THSD7A: variants seen among roughly 807,000 people sequenced by gnomAD.
The protein encoded by THSD7A is thrombospondin type 1 domain containing 7A.
A neutral mutation model predicts 231.3 loss-of-function variants in THSD7A; 96 were observed. The ratio of observed to expected loss-of-function variants is 0.41; its 90% CI spans 0.35 to 0.49. The LOEUF (loss-of-function observed/expected upper bound fraction) is 0.49, where lower values mean the gene tolerates loss of function less well. Ranked by LOEUF, THSD7A falls within the 20% of genes least tolerant of loss-of-function variation. The pLI, the probability that THSD7A is intolerant of heterozygous loss-of-function variation, is 0.05. For missense variants in THSD7A, 2,290 were observed against 2,070.2 expected, an observed-to-expected ratio of 1.11 and a Z score of -2.06; for synonymous variants, 940 against 743.3, an observed-to-expected ratio of 1.26 and a Z score of -4.30.
chr7:11,711,676 T>C (rs1012356697), intron 1 of THSD7A, among the ~76,000 whole-genome samples: 9 of 151,130 alleles, frequency 6.0e-5, no homozygotes, highest in African/African-American at 1.2e-4. Flanking sequence ...AAATTTCAAC[T>C]GGTTACTTCC....
At chr7:11,702,243 G>A (rs890878196) in intron 1 of THSD7A, among the ~76,000 whole-genome samples, 1 of 151,166 alleles carries the variant, frequency 6.6e-6, no homozygotes, top group Non-Finnish European at 1.5e-5. Context: ...TCTGCTCAGG[G>A]TGTCACAGGG....
Position 11,634,389 on chromosome 7 carries a change from G to A in THSD7A, c.1022+1741C>T, listed in dbSNP as rs1250598249. On this transcript the variant is annotated intron_variant, in intron 2 of 27. Transcript: ENST00000423059. The surrounding 1 kb of genome is among the most constrained non-coding windows in gnomAD (Gnocchi z 4.1). Reference sequence around the variant, plus strand: ...TTGAGTAGTCAACGTTAAATTAAATGTCTACAGCATGCTAACCCAGTGATA... The same window carrying A: ...TTGAGTAGTCAACGTTAAATTAAATATCTACAGCATGCTAACCCAGTGATA... Among the ~76,000 whole-genome samples, 4 of 152,134 alleles carry A rather than the reference G, an allele frequency of 2.6e-5. No homozygotes were observed. The highest frequency in any genetic ancestry group is 9.7e-5 in the African/African-American group (4 of 41,424).
intron 1 of THSD7A, among the ~76,000 whole-genome samples, chr7:11,640,186 C>G (rs1433082979): frequency 6.6e-6 from 1 of 152,150 alleles, no homozygotes; most frequent in Admixed American, 6.6e-5. Flanking sequence ...TCTATAGCCC[C>G]TTGAGGACAG....
chr7:11,770,154 A>C (rs765315322), intron 1 of THSD7A, among the ~76,000 whole-genome samples: 2 of 152,184 alleles, frequency 1.3e-5, no homozygotes, highest in East Asian at 3.9e-4. Context: ...TTTTAATAAA[A>C]CTATTTTGTT....
chr7:11,739,544 C>T (rs1782033741), intron 1 of THSD7A, among the ~76,000 whole-genome samples: 3 of 151,844 alleles, frequency 2.0e-5, no homozygotes, highest in Admixed American at 2.0e-4. Flanking sequence ...CCATTACATT[C>T]TAAAACATCA....
intron 6 of THSD7A, among the ~76,000 whole-genome samples, chr7:11,498,979 A>G (rs1389195898): frequency 1.3e-5 from 2 of 152,116 alleles, no homozygotes; most frequent in Non-Finnish European, 2.9e-5. Flanking sequence ...GCCACCTTGC[A>G]CTGGAGTTAT....
At chr7:11,616,759 T>C (rs1046323558) in intron 2 of THSD7A, among the ~76,000 whole-genome samples, 6 of 152,130 alleles carry the variant, frequency 3.9e-5, no homozygotes, top group African/African-American at 1.4e-4. Flanking sequence ...GTTGCTTTAA[T>C]TGTTTTTCTT....
At chr7:11,791,075 TAAC>T (rs949104304) in intron 1 of THSD7A, among the ~76,000 whole-genome samples, 3 of 151,946 alleles carry the variant, frequency 2.0e-5, no homozygotes, top group Admixed American at 6.6e-5. Context: ...CACTGTAACT[TAAC>T]AAGAGCAAGT....
At chr7:11,712,985 A>G (rs956895033) in intron 1 of THSD7A, among the ~76,000 whole-genome samples, 1 of 151,094 alleles carries the variant, frequency 6.6e-6, no homozygotes. Flanking sequence ...TTTTACTTCC[A>G]TGGTACCACA....
At chr7:11,763,927 T>C (rs1420991194) in intron 1 of THSD7A, among the ~76,000 whole-genome samples, 2 of 152,194 alleles carry the variant, frequency 1.3e-5, no homozygotes, top group Admixed American at 1.3e-4. Flanking sequence ...TAGTATTAAA[T>C]GGGGATAAGT....
rs372677356 is a variant in THSD7A at position 11,426,678 on chromosome 7, T to C, written c.3244-7A>G. 1.8e-5 allele frequency: 28 copies of C among 1,561,090 alleles called. No individual in the cohort carries two copies. The highest frequency in any genetic ancestry group is 5.5e-5 in the Admixed American group (3 of 54,352). On this transcript the variant is annotated splice_polypyrimidine_tract_variant and splice_region_variant and intron_variant, in intron 14 of 27. Coordinates refer to ENST00000423059, the MANE Select transcript of THSD7A (RefSeq NM_015204.3). The stretch of plus-strand genomic sequence containing the variant: ...TAAGAGTTCTTACCTGTGCCTGGAG[T>C]GGTGTTCAACAGGAATGATGAAAAG...
intron 4 of THSD7A, among the ~76,000 whole-genome samples, chr7:11,581,166 T>A (rs1350492268): frequency 1.3e-5 from 2 of 152,074 alleles, no homozygotes; most frequent in South Asian, 4.1e-4. Flanking sequence ...TAATATAATG[T>A]CTTAATAAAT....
intron 22 of THSD7A, among the ~76,000 whole-genome samples, chr7:11,405,226 G>C (rs981135180): frequency 6.7e-6 from 1 of 150,030 alleles, no homozygotes; most frequent in Non-Finnish European, 1.5e-5. Flanking sequence ...AGTTTTTCCA[G>C]GTTTTAGGGA....
chr7:11,721,259 C>T (rs550455336), intron 1 of THSD7A, among the ~76,000 whole-genome samples: 1 of 151,792 alleles, frequency 6.6e-6, no homozygotes, highest in Admixed American at 6.6e-5. Flanking sequence ...AATTTCCTGT[C>T]AAATTGTAAT....
intron 9 of THSD7A, among the ~76,000 whole-genome samples, chr7:11,469,430 C>G (rs1243083677): frequency 2.0e-5 from 3 of 152,062 alleles, no homozygotes; most frequent in African/African-American, 7.2e-5. Flanking sequence ...AACAATTTGG[C>G]CATTTTTCTC....
At chr7:11,424,660 T>G (rs1457756254) in intron 16 of THSD7A, 36 bp downstream of exon 16, 1 of 1,611,812 alleles carries the variant, frequency 6.2e-7, no homozygotes, top group Non-Finnish European at 8.5e-7. Flanking sequence ...GATAGTTTTG[T>G]GTCTTGCTTT....
At chr7:11,734,686 T>C (rs1158749715) in intron 1 of THSD7A, among the ~76,000 whole-genome samples, 3 of 151,972 alleles carry the variant, frequency 2.0e-5, no homozygotes, top group Non-Finnish European at 2.9e-5. Context: ...TGTATAAACA[T>C]TATTTTCTTA....
intron 6 of THSD7A, among the ~76,000 whole-genome samples, chr7:11,520,426 A>G (rs896875750): frequency 6.6e-6 from 1 of 152,204 alleles, no homozygotes; most frequent in African/African-American, 2.4e-5. Flanking sequence ...AAGTTTTGAT[A>G]GTATGACTTA....
At chr7:11,595,945 A>G (rs772738861) in intron 2 of THSD7A, among the ~76,000 whole-genome samples, 3 of 152,224 alleles carry the variant, frequency 2.0e-5, no homozygotes, top group Non-Finnish European at 4.4e-5. Context: ...AATTAATCAT[A>G]GTGTTCCTAG....
Sources: allele counts gnomAD v4.1 joint callset (sites outside exome capture counted in the v4.1 genomes callset), GRCh38; gene constraint gnomAD v4.1.1; non-coding constraint Gnocchi (gnomAD v3.1); transcripts MANE v1.5; gene names NCBI Gene and HGNC (gene_info 2026-07-23, HGNC 2026-07-21).